CCDC178: variants seen among roughly 807,000 people sequenced by gnomAD.
CCDC178 encodes coiled-coil domain containing 178.
A neutral mutation model predicts 117.4 loss-of-function variants in CCDC178; 126 were observed. The ratio of observed to expected loss-of-function variants is 1.07; its 90% CI spans 0.93 to 1.24. The LOEUF (loss-of-function observed/expected upper bound fraction) is 1.24. CCDC178 is among the 50% of genes most tolerant of loss of function. CCDC178 has a pLI of 0.00. For synonymous variants in CCDC178, 283 were observed against 313.4 expected (o/e 0.90, Z 1.02); for missense variants, 1,030 against 986.9 (o/e 1.04, Z -0.59).
At chr18:33,236,993 A>C (rs2059432728) in intron 15 of CCDC178, among the ~76,000 whole-genome samples, 1 of 152,098 alleles carries the variant, frequency 6.6e-6, no homozygotes, top group Non-Finnish European at 1.5e-5. Context: ...AGCTGCTGAA[A>C]ATTTATACTG....
chr18:33,382,004 C>T (rs1415869817), intron 5 of CCDC178, among the ~76,000 whole-genome samples: 8 of 152,000 alleles, frequency 5.3e-5, no homozygotes, highest in South Asian at 2.1e-4. Context: ...ACTTATTTGC[C>T]GTCTTATAAA....
intron 21 of CCDC178, among the ~76,000 whole-genome samples, chr18:33,091,441 G>A (rs748906548): frequency 2.4e-4 from 34 of 141,896 alleles, no homozygotes; most frequent in Non-Finnish European, 4.8e-4. Flanking sequence ...GGCTCAAGTC[G>A]TTCTTTTGCC....
At position 33,086,035 on chromosome 18, in the gene CCDC178, T is replaced by C. The variant is rs77115781; in HGVS notation, c.2388+6726A>G. ...TAATCCCACAGAATTGAAAATCAAT[T>C]GCAGTTATAAGTCATGTATTAGATA... On this transcript the variant is annotated intron_variant, in intron 21 of 22. Coordinates refer to ENST00000383096, the MANE Select transcript of CCDC178 (RefSeq NM_001105528.4). Among the ~76,000 whole-genome samples, 183 of 152,168 alleles carry C rather than the reference T, an allele frequency of 1.2e-3. 2 individuals carry two copies. The East Asian group carries it at 0.028, about 24-fold the overall frequency.
At chr18:33,435,885 C>G (rs1231837270) in intron 2 of CCDC178, among the ~76,000 whole-genome samples, 2 of 151,826 alleles carry the variant, frequency 1.3e-5, no homozygotes, top group Non-Finnish European at 2.9e-5. Context: ...CTGCCACTAT[C>G]TGAAATCAGA....
chr18:33,425,966 G>C (rs2064118427), intron 2 of CCDC178, among the ~76,000 whole-genome samples: 1 of 152,090 alleles, frequency 6.6e-6, no homozygotes, highest in Non-Finnish European at 1.5e-5. Context: ...CACCTGAGAT[G>C]GGATGTTCCT....
chr18:33,393,050 A>G (rs1207791952), intron 4 of CCDC178, among the ~76,000 whole-genome samples: 2 of 152,182 alleles, frequency 1.3e-5, no homozygotes, highest in Admixed American at 1.3e-4. Context: ...ATTTCTCAAA[A>G]TCAATAAGGA....
chr18:33,058,886 A>G (rs1281282622), intron 21 of CCDC178, among the ~76,000 whole-genome samples: 1 of 152,172 alleles, frequency 6.6e-6, no homozygotes, highest in Non-Finnish European at 1.5e-5. Flanking sequence ...ATCTCACACA[A>G]TTTTGAAGAT....
intron 12 of CCDC178, among the ~76,000 whole-genome samples, chr18:33,288,240 C>CT: frequency 7.4e-6 from 1 of 134,836 alleles, no homozygotes; most frequent in South Asian, 2.7e-4. Flanking sequence ...CTCCCCTCCG[C>CT]TCCCCTCCTC....
intron 3 of CCDC178, among the ~76,000 whole-genome samples, chr18:33,397,801 G>T: frequency 6.6e-6 from 1 of 151,852 alleles, no homozygotes. Context: ...CAACACCAAT[G>T]ACCTAAAAAT....
At chr18:33,390,671 A>G (rs891050771) in intron 4 of CCDC178, among the ~76,000 whole-genome samples, 4 of 152,044 alleles carry the variant, frequency 2.6e-5, no homozygotes, top group Non-Finnish European at 5.9e-5. Context: ...ACAGTTGCCT[A>G]TAGTAGGTGA....
Position 33,247,075 on chromosome 18 carries a change from CGT to C in CCDC178, c.1410-1649_1410-1648del, listed in dbSNP as rs150159104. The stretch of plus-strand genomic sequence containing the variant: ...TATGTGTATATATGTAAGTGTGTTA[CGT>C]GTGTGTGTGTGTGTGTGAGAGAGAG... On this transcript the variant is annotated intron_variant, in intron 14 of 22. Transcript: ENST00000383096. Among the ~76,000 whole-genome samples, 1,101 of 147,734 alleles carry C rather than the reference CGT, an allele frequency of 7.5e-3. 9 individuals carry two copies. The highest frequency in any genetic ancestry group is 0.026 in the African/African-American group (1,043 of 40,374).
chr18:33,347,590 T>C (rs775524197), intron 8 of CCDC178, among the ~76,000 whole-genome samples: 1 of 152,156 alleles, frequency 6.6e-6, no homozygotes, highest in Non-Finnish European at 1.5e-5. Flanking sequence ...AATTGTCTTT[T>C]TTAAATGAAA....
chr18:33,077,141 T>C (rs2057222736), intron 21 of CCDC178, among the ~76,000 whole-genome samples: 2 of 152,210 alleles, frequency 1.3e-5, no homozygotes, highest in South Asian at 4.1e-4. Flanking sequence ...ATTGAAATAC[T>C]TTTGCATTTA....
intron 5 of CCDC178, among the ~76,000 whole-genome samples, chr18:33,378,127 G>C (rs1324816550): frequency 6.6e-6 from 1 of 152,166 alleles, no homozygotes; most frequent in Non-Finnish European, 1.5e-5. Flanking sequence ...TCTTTCAGCA[G>C]TGTTTTGTAG....
intron 21 of CCDC178, among the ~76,000 whole-genome samples, chr18:33,047,574 G>T (rs2056667437): frequency 6.6e-6 from 1 of 152,112 alleles, no homozygotes; most frequent in Non-Finnish European, 1.5e-5. Flanking sequence ...ATTGCTTAGG[G>T]TCTTCAAGTG....
At chr18:33,344,393 C>T (rs569351316) in intron 9 of CCDC178, among the ~76,000 whole-genome samples, 23 of 150,430 alleles carry the variant, frequency 1.5e-4, no homozygotes, top group South Asian at 4.2e-4. Flanking sequence ...CGTAAAATAA[C>T]GCAGACGAAC....
intron 20 of CCDC178, among the ~76,000 whole-genome samples, chr18:33,139,190 A>G (rs1475405188): frequency 6.6e-6 from 1 of 152,160 alleles, no homozygotes; most frequent in Non-Finnish European, 1.5e-5. Context: ...GCCTTCTGTC[A>G]TGATTGTGAG....
intron 20 of CCDC178, among the ~76,000 whole-genome samples, chr18:33,205,302 T>C (rs1004480822): frequency 9.9e-5 from 15 of 151,946 alleles, no homozygotes; most frequent in African/African-American, 3.6e-4. Flanking sequence ...ATATAAAGCT[T>C]ACAGAAGGCA....
At chr18:33,043,271 A>T (rs1332816956) in intron 21 of CCDC178, among the ~76,000 whole-genome samples, 1 of 152,108 alleles carries the variant, frequency 6.6e-6, no homozygotes, top group African/African-American at 2.4e-5. Context: ...ACTAATACTG[A>T]AGAAACTGTC....
Sources: allele counts gnomAD v4.1 joint callset (sites outside exome capture counted in the v4.1 genomes callset), GRCh38; gene constraint gnomAD v4.1.1; transcripts MANE v1.5; gene names NCBI Gene and HGNC (gene_info 2026-07-23, HGNC 2026-07-21).